The following UBE3D variants were observed in gnomAD, a reference collection of about 807,000 sequenced individuals.
UBE3D encodes the protein E3 ubiquitin-protein ligase E3D.
In UBE3D, 48 loss-of-function variants were observed where a neutral mutation model predicts 49.6. That is an observed-to-expected ratio of 0.97 (90% CI 0.77 to 1.23). UBE3D has a LOEUF of 1.23. UBE3D is among the 50% of genes most tolerant of loss of function. UBE3D has a pLI of 0.00. For synonymous variants in UBE3D, 189 were observed against 174.2 expected (o/e 1.08, Z -0.67); for missense variants, 452 against 468.4 (o/e 0.96, Z 0.32).
At chr6:82,946,466 T>A (rs1488384573) in intron 9 of UBE3D, among the ~76,000 whole-genome samples, 1 of 152,080 alleles carries the variant, frequency 6.6e-6, no homozygotes, top group African/African-American at 2.4e-5. Context: ...AAACAACAAC[T>A]GAGGAATTTC....
At chr6:83,057,313 A>G (rs969355356) in intron 2 of UBE3D, among the ~76,000 whole-genome samples, 2 of 152,126 alleles carry the variant, frequency 1.3e-5, no homozygotes, top group Admixed American at 1.3e-4. Flanking sequence ...TAATATTTAA[A>G]TTGTTTGCTC....
rs1013742494 is a variant in UBE3D at position 83,057,821 on chromosome 6, C to G, written c.274+5G>C. On this transcript the variant is annotated splice_donor_5th_base_variant and intron_variant, in intron 2 of 9. Transcript: ENST00000369747. ...TACAGCAGCAGAAGTGCTAATATTA[C>G]TCACTTGTGCCTAATTTTGCTTGCG... 16 of 1,613,090 alleles carry G rather than the reference C, an allele frequency of 9.9e-6. No individual in the cohort carries two copies. The highest frequency in any genetic ancestry group is 1.3e-5 in the African/African-American group (1 of 74,894).
rs1355660061 is a variant in UBE3D at position 82,898,814 on chromosome 6, C to T, written c.1150-5772G>A. On this transcript the variant is annotated intron_variant, in intron 9 of 9. Coordinates refer to ENST00000369747, the MANE Select transcript of UBE3D (RefSeq NM_198920.3). ...CACATTCTGCACATGTACCCCAGAA[C>T]TTAAAGTATAATAAAAAAAATTTTT... Among the ~76,000 whole-genome samples, 4 of 152,210 alleles carry T rather than the reference C, an allele frequency of 2.6e-5. No individual in the cohort carries two copies. The South Asian group carries it at 6.2e-4, about 24-fold the overall frequency.
At chr6:82,939,093 T>A (rs1774813447) in intron 9 of UBE3D, among the ~76,000 whole-genome samples, 1 of 151,692 alleles carries the variant, frequency 6.6e-6, no homozygotes, top group South Asian at 2.1e-4. Flanking sequence ...GTACCATTCA[T>A]AATAATGTCA....
At chr6:83,041,836 C>T (rs1782691103) in intron 4 of UBE3D, among the ~76,000 whole-genome samples, 1 of 152,130 alleles carries the variant, frequency 6.6e-6, no homozygotes, top group Non-Finnish European at 1.5e-5. Flanking sequence ...ATTTTATTTG[C>T]TCTTTAAAAA....
At chr6:83,035,841 A>G (rs1191645800) in intron 5 of UBE3D, among the ~76,000 whole-genome samples, 2 of 152,080 alleles carry the variant, frequency 1.3e-5, no homozygotes, top group Admixed American at 6.6e-5. Flanking sequence ...TAGAATTTCT[A>G]TAAGCTAGAT....
At chr6:82,969,872 A>G (rs1056448253) in intron 8 of UBE3D, among the ~76,000 whole-genome samples, 10 of 151,862 alleles carry the variant, frequency 6.6e-5, no homozygotes, top group Admixed American at 5.3e-4. Context: ...GACCATGTTA[A>G]AAAGAATTCA....
intron 9 of UBE3D, among the ~76,000 whole-genome samples, chr6:82,928,254 G>A (rs1012819196): frequency 4.6e-5 from 7 of 152,020 alleles, no homozygotes; most frequent in African/African-American, 1.4e-4. Flanking sequence ...CCCGGGAACC[G>A]CATATGAATG....
At chr6:83,026,459 A>G (rs139752916) in intron 5 of UBE3D, among the ~76,000 whole-genome samples, 28 of 152,166 alleles carry the variant, frequency 1.8e-4, no homozygotes, top group African/African-American at 6.5e-4. Flanking sequence ...AAAATAAAAT[A>G]GTGTTGTCAA....
At chr6:82,924,195 C>T (rs1178435321) in intron 9 of UBE3D, among the ~76,000 whole-genome samples, 1 of 151,852 alleles carries the variant, frequency 6.6e-6, no homozygotes, top group African/African-American at 2.4e-5. Context: ...TGAAAAGGTA[C>T]ATAATAATAA....
At chr6:83,018,477 G>C (rs1780847764) in intron 8 of UBE3D, 1 of 152,816 alleles carries the variant, frequency 6.5e-6, no homozygotes, top group African/African-American at 2.4e-5. Context: ...TTAAAGTGGG[G>C]ATGATAATGG....
In UBE3D at chr6:83,065,623, C is replaced by T. The variant is rs768280229; in HGVS notation, c.77+19G>A. On this transcript the variant is annotated intron_variant, in intron 1 of 9. Transcript: ENST00000369747. Reference sequence around the variant, plus strand: ...CAGTAAAGCGAGCTGGGCACTGCGCCTAGAATCCCAGTTCTTACCCCAGGA... The same window carrying T: ...CAGTAAAGCGAGCTGGGCACTGCGCTTAGAATCCCAGTTCTTACCCCAGGA... The T allele has an allele frequency of 2.5e-6, 4 of 1,613,498 alleles. No individual in the cohort carries two copies. Among genetic ancestry groups the T allele is most frequent in the Non-Finnish European group, 3.4e-6 (4 of 1,179,580 alleles).
chr6:83,046,746 T>C (rs1287488736), intron 3 of UBE3D, among the ~76,000 whole-genome samples: 1 of 151,418 alleles, frequency 6.6e-6, no homozygotes, highest in Non-Finnish European at 1.5e-5. Context: ...TTAGCCTCTT[T>C]CCTCAAATGT....
chr6:82,951,801 C>T (rs2127767663), intron 9 of UBE3D, among the ~76,000 whole-genome samples: 1 of 152,176 alleles, frequency 6.6e-6, no homozygotes, highest in South Asian at 2.1e-4. Context: ...CCAAAGAGGC[C>T]CTGACCAAAA....
chr6:82,907,175 G>T (rs1233282246), intron 9 of UBE3D, among the ~76,000 whole-genome samples: 1 of 152,178 alleles, frequency 6.6e-6, no homozygotes, highest in East Asian at 1.9e-4. Context: ...CTTATGTGGG[G>T]ACAGGTTCCT....
At chr6:82,917,369 T>C (rs1772996523) in intron 9 of UBE3D, among the ~76,000 whole-genome samples, 2 of 151,826 alleles carry the variant, frequency 1.3e-5, no homozygotes, top group African/African-American at 4.8e-5. Context: ...ACATGCATGC[T>C]AGATATGAGC....
At chr6:83,001,886 G>A (rs991491730) in intron 8 of UBE3D, among the ~76,000 whole-genome samples, 33 of 152,010 alleles carry the variant, frequency 2.2e-4, no homozygotes, top group Admixed American at 7.9e-4. Context: ...GGTGAAACGC[G>A]TATCACAGAG....
intron 8 of UBE3D, among the ~76,000 whole-genome samples, chr6:82,990,092 C>T (rs1386318311): frequency 2.0e-5 from 3 of 152,164 alleles, no homozygotes; most frequent in African/African-American, 4.8e-5. Flanking sequence ...GAATTAGTTA[C>T]TAACAAACAT....
chr6:83,051,890 C>A (rs1467693622), intron 3 of UBE3D, among the ~76,000 whole-genome samples: 1 of 152,132 alleles, frequency 6.6e-6, no homozygotes, highest in African/African-American at 2.4e-5. Flanking sequence ...GGGACACTGA[C>A]AGAAATCAGG....
Sources: allele counts gnomAD v4.1 joint callset (sites outside exome capture counted in the v4.1 genomes callset), GRCh38; gene constraint gnomAD v4.1.1; transcripts MANE v1.5; gene names NCBI Gene and HGNC (gene_info 2026-07-23, HGNC 2026-07-21).